The following CTBS variants were observed in gnomAD, a reference collection of about 807,000 sequenced individuals.
The protein encoded by CTBS is di-N-acetylchitobiase.
CTBS carries 35 observed loss-of-function variants against 44.3 expected under a neutral mutation model. The ratio of observed to expected loss-of-function variants is 0.79; its 90% confidence interval spans 0.60 to 1.05. CTBS has a LOEUF of 1.05. CTBS is among the 50% of genes least tolerant of loss of function. CTBS has a pLI of 0.00. For missense variants in CTBS, 458 were observed against 475.3 expected (o/e 0.96, Z 0.34); for synonymous variants, 143 against 168.0 (o/e 0.85, Z 1.15).
intron 6 of CTBS, among the ~76,000 whole-genome samples, chr1:84,559,628 A>C (rs1287924145): frequency 6.6e-6 from 1 of 152,046 alleles, no homozygotes; most frequent in South Asian, 2.1e-4. Context: ...TCTCAGAAAA[A>C]AAAGACTTAA....
At chr1:84,573,281 T>C (rs1647371098) in intron 1 of CTBS, among the ~76,000 whole-genome samples, 1 of 152,248 alleles carries the variant, frequency 6.6e-6, no homozygotes. Context: ...GTTCGGCCTA[T>C]AAAAGCCCAT....
rs1478149071 is a variant in CTBS, at chr1:84,552,461, C to G, written c.*2538G>C. 6.6e-6 allele frequency: 1 copy of G among 152,052 alleles called. No individual in the cohort carries two copies. The highest frequency in any genetic ancestry group is 1.5e-5 in the Non-Finnish European group (1 of 68,016). The allele number at this position is 152,052 out of a possible 1,614,324, so 9.4% of individuals were successfully genotyped here. A position where few individuals can be genotyped will look rare whatever the true frequency, so the allele number is the denominator to read the frequency against. On this transcript the variant is annotated 3_prime_UTR_variant, in exon 7 of 7. Transcript: ENST00000370630. ...ATCCTGGCTGTACCCACTTCACTTA[C>G]TAGTTTTTTATCTTGAGCAAGTTAC...
At chr1:84,568,335 G>C (rs1684734780) in intron 3 of CTBS, among the ~76,000 whole-genome samples, 1 of 151,036 alleles carries the variant, frequency 6.6e-6, no homozygotes, top group African/African-American at 2.5e-5. Flanking sequence ...CAAAATGTGT[G>C]AGGAGGAGAA....
At chr1:84,566,065 C>T (rs529821414) in intron 3 of CTBS, 53 bp from the exon 4 acceptor site, 35 of 1,150,672 alleles carry the variant, frequency 3.0e-5, no homozygotes, top group African/African-American at 1.9e-4. Context: ...GTGCATATTA[C>T]GTCAGATTTT....
Position 84,551,190 on chromosome 1 carries a change from T to C in CTBS, c.*3809A>G, listed in dbSNP as rs1684260375. The C allele has an allele frequency of 2.3e-5, 23 of 985,280 alleles. No individual in the cohort carries two copies. Among genetic ancestry groups the C allele is most frequent in the Non-Finnish European group, 2.8e-5 (23 of 829,852 alleles). 61.0% of individuals were successfully genotyped at this position (985,280 alleles called of 1,614,324 possible). ...GAAAACAGAAGATTATACATTTTCATACAAGTACCCACAGCAAGGCAGGAA... is the reference window on the plus strand; with the variant it reads ...GAAAACAGAAGATTATACATTTTCACACAAGTACCCACAGCAAGGCAGGAA... On this transcript the variant is annotated 3_prime_UTR_variant, in exon 7 of 7. Transcript: ENST00000370630.
At chr1:84,569,863 G>A in intron 3 of CTBS, 68 bp downstream of exon 3, 1 of 1,278,336 alleles carries the variant, frequency 7.8e-7, no homozygotes, top group Non-Finnish European at 1.1e-6. Context: ...GATTATATTA[G>A]TTATACCCTC....
chr1:84,566,166 G>T, intron 3 of CTBS, 154 bp from the exon 4 acceptor site: 1 of 362,652 alleles, frequency 2.8e-6, no homozygotes. Context: ...CATAGAACTT[G>T]AACCATTCTA....
At position 84,569,966 on chromosome 1, in the gene CTBS, T is replaced by C. The variant is rs1244257723; in HGVS notation, c.490A>G (p.Thr164Ala). ...TCAATTTCACGATGGAAAGAGTCTG[T>C]AGTTTCTTTGACTAAAGCAGTTAAT... is the stretch of plus-strand genomic sequence containing the variant. ...DALTALVKETTDSFHREIEGS... is the reference protein window; with the variant it reads ...DALTALVKETADSFHREIEGS... The change falls in exon 3 of 7, where the codon ACA becomes GCA. Residue 164 changes from threonine (T) to alanine (A), a missense_variant. Thr to Ala is a moderately conservative substitution (Grantham distance 58). Coordinates refer to ENST00000370630, the MANE Select transcript of CTBS (RefSeq NM_004388.3). The C allele has an allele frequency of 1.2e-6, 2 of 1,611,988 alleles. No individual in the cohort carries two copies. Among genetic ancestry groups the C allele is most frequent in the Non-Finnish European group, 8.5e-7 (1 of 1,179,590 alleles).
chr1:84,561,423 C>T (rs1334483556), intron 6 of CTBS, among the ~76,000 whole-genome samples: 2 of 152,206 alleles, frequency 1.3e-5, no homozygotes, highest in Non-Finnish European at 2.9e-5. Flanking sequence ...AAAGTAGTTT[C>T]TTGAGAATGG....
chr1:84,572,660 A>G (rs1647347839), intron 1 of CTBS, among the ~76,000 whole-genome samples: 1 of 142,496 alleles, frequency 7.0e-6, no homozygotes, highest in African/African-American at 3.0e-5. Flanking sequence ...TAAATCTTTC[A>G]GGTTTTTTTT....
chr1:84,553,106 T>C lies in CTBS; in HGVS notation c.*1893A>G. 6.6e-7 allele frequency: 1 copy of C among 1,504,568 alleles called. No individual in the cohort carries two copies. Among genetic ancestry groups the C allele is most frequent in the South Asian group, 1.3e-5 (1 of 77,498 alleles). 93.2% of individuals were successfully genotyped at this position (1,504,568 alleles called of 1,614,324 possible). ...TGGCACAGAAAAAAAAAATAATACA[T>C]CTCTACAATCTCAATTAGGTATGTT... On this transcript the variant is annotated 3_prime_UTR_variant, in exon 7 of 7. Transcript: ENST00000370630.
chr1:84,566,049 T>A, intron 3 of CTBS, 37 bp from the exon 4 acceptor site: 2 of 1,356,524 alleles, frequency 1.5e-6, no homozygotes, highest in Non-Finnish European at 2.0e-6. Flanking sequence ...TGTAATATGA[T>A]CACGTGTGCA....
At chr1:84,557,533 C>CAA (rs56101174) in intron 6 of CTBS, among the ~76,000 whole-genome samples, 28 of 55,390 alleles carry the variant, frequency 5.1e-4, no homozygotes, top group South Asian at 7.2e-4. Context: ...AACTCCATCT[C>CAA]AAAAAAAAAA....
rs1478060119 is a variant in CTBS, at chr1:84,563,384, C to CG, written c.829dup (p.Arg277ProfsTer6). The CG allele has an allele frequency of 1.9e-6, 3 of 1,574,714 alleles. No homozygotes were observed. Among genetic ancestry groups the CG allele is most frequent in the Non-Finnish European group, 2.6e-6 (3 of 1,162,800 alleles). On this transcript the variant is annotated frameshift_variant, in exon 6 of 7. Coordinates refer to ENST00000370630, the MANE Select transcript of CTBS (RefSeq NM_004388.3). LOFTEE classifies it high-confidence loss of function. ...TGCAGCGTCACTACAAGGAGCCCCC[C>CG]GGAAAGGGACTTTTGCAATGGTACA...
At chr1:84,556,705 C>A in intron 6 of CTBS, among the ~76,000 whole-genome samples, 1 of 106,366 alleles carries the variant, frequency 9.4e-6, no homozygotes, top group African/African-American at 4.8e-5. Flanking sequence ...AGCAAGACTC[C>A]GTCTCAAAAA....
chr1:84,574,170 C>T, intron 1 of CTBS, 69 bp downstream of exon 1: 1 of 1,560,804 alleles, frequency 6.4e-7, no homozygotes, highest in Admixed American at 1.9e-5. Flanking sequence ...CTCCTTAGGG[C>T]TCCGTTCTAC....
At chr1:84,557,551 A>AG (rs1558623550) in intron 6 of CTBS, among the ~76,000 whole-genome samples, 105 of 122,632 alleles carry the variant, frequency 8.6e-4, no homozygotes, top group African/African-American at 3.7e-3. Flanking sequence ...AAAAAAAAAA[A>AG]AAGAAAAAAA....
rs1279808857 is a variant in CTBS, at chr1:84,554,875, T to G, written c.*124A>C. 1.1e-5 allele frequency: 8 copies of G among 735,720 alleles called. No individual in the cohort carries two copies. The highest frequency in any genetic ancestry group is 1.7e-5 in the Non-Finnish European group (8 of 464,498). 45.6% of individuals were successfully genotyped at this position (735,720 alleles called of 1,614,324 possible). A position where few individuals can be genotyped will look rare whatever the true frequency, so the allele number is the denominator to read the frequency against. On this transcript the variant is annotated 3_prime_UTR_variant, in exon 7 of 7. Transcript: ENST00000370630. ...TTTCAAATTCAAACAATCAAAACAT[T>G]TATTTATTCTTTTTTTTTAGTATAC...
intron 1 of CTBS, 53 bp from the exon 2 acceptor site, chr1:84,570,773 C>T (rs1272618893): frequency 1.0e-5 from 16 of 1,561,778 alleles, no homozygotes; most frequent in South Asian, 2.3e-5. Context: ...TTATGCTGAC[C>T]GTCCAAAATA....
Sources: gnomAD v4.1 joint callset for allele counts (sites outside exome capture counted in the v4.1 genomes callset) on GRCh38, gnomAD v4.1.1 for gene constraint, MANE v1.5 for transcripts, NCBI Gene and HGNC (gene_info 2026-07-23, HGNC 2026-07-21) for gene names.